The following PITPNM3 variants were observed in gnomAD, a reference collection of about 807,000 sequenced individuals.
PITPNM3 encodes membrane-associated phosphatidylinositol transfer protein 3.
Under a neutral mutation model 102.0 loss-of-function variants are expected in PITPNM3, and 26 were observed. The ratio of observed to expected loss-of-function variants is 0.25; its 90% CI spans 0.19 to 0.35. PITPNM3 has a LOEUF of 0.35. Among genes scored for constraint, PITPNM3 ranks in the 10% least tolerant of loss-of-function variants. The probability of loss-of-function intolerance (pLI) is 1.00; values close to 1 mark genes in which losing one functional copy is unlikely to be tolerated. For synonymous variants in PITPNM3, 578 were observed against 558.6 expected (o/e 1.03, Z -0.49); for missense variants, 1,083 against 1,346.1 (o/e 0.80, Z 3.06).
intron 3 of PITPNM3, among the ~76,000 whole-genome samples, chr17:6,511,442 C>T (rs765530349): frequency 2.0e-4 from 30 of 152,178 alleles, no homozygotes; most frequent in Admixed American, 4.6e-4. Flanking sequence ...AGACCAGAAA[C>T]TGTGTGGCAT....
At chr17:6,475,450 T>C (rs908564310) in intron 9 of PITPNM3, among the ~76,000 whole-genome samples, 7 of 152,150 alleles carry the variant, frequency 4.6e-5, no homozygotes, top group African/African-American at 7.2e-5. Flanking sequence ...ACTAAACTAC[T>C]TGAGTCAGAG....
In PITPNM3 at chr17:6,505,874, G is replaced by A. The variant is rs573130521; in HGVS notation, c.227-2300C>T. On this transcript the variant is annotated intron_variant, in intron 3 of 19. Transcript: ENST00000262483. ...CAATGAGAGGCGAGACCGGCGGGGA[G>A]AGACGGGGAGGGAAAGATTCATTCT... Among the ~76,000 whole-genome samples the A allele has an allele frequency of 5.3e-5, 8 of 152,328 alleles. No individual in the cohort carries two copies. In the South Asian group the frequency reaches 1.7e-3, roughly 32 times the overall value.
Position 6,451,882 on chromosome 17 carries a change from C to CGCT in PITPNM3, c.*3455_*3456insAGC, listed in dbSNP as rs886053277. 7.1e-5 allele frequency: 2 copies of CGCT among 28,314 alleles called. No homozygotes were observed. The highest frequency in any genetic ancestry group is 3.4e-4 in the Admixed American group (1 of 2,926). 1.8% of individuals were successfully genotyped at this position (28,314 alleles called of 1,614,324 possible). ...GGCACTTGGCACCCAAACCCCCCCC[C>CGCT]CCCGCCCGCCGATGGGATTCGGTGG... On this transcript the variant is annotated 3_prime_UTR_variant, in exon 20 of 20. Coordinates refer to ENST00000262483, the MANE Select transcript of PITPNM3 (RefSeq NM_031220.4).
At chr17:6,551,214 G>A (rs1001411193) in intron 1 of PITPNM3, among the ~76,000 whole-genome samples, 9 of 152,116 alleles carry the variant, frequency 5.9e-5, no homozygotes, top group African/African-American at 2.2e-4. Context: ...AAAATTAGCC[G>A]GGCATGGTGG....
At chr17:6,512,817 T>C (rs1907945782) in intron 3 of PITPNM3, among the ~76,000 whole-genome samples, 1 of 152,196 alleles carries the variant, frequency 6.6e-6, no homozygotes, top group Non-Finnish European at 1.5e-5. Context: ...CTGTTTGTTT[T>C]AAGAACAAGA....
intron 10 of PITPNM3, among the ~76,000 whole-genome samples, chr17:6,473,839 T>G (rs1245073371): frequency 6.6e-6 from 1 of 151,686 alleles, no homozygotes; most frequent in Non-Finnish European, 1.5e-5. Flanking sequence ...TAGCTGGGCG[T>G]CATGGTGGGT....
chr17:6,494,145 G>A (rs1906657589), intron 4 of PITPNM3, among the ~76,000 whole-genome samples: 1 of 152,170 alleles, frequency 6.6e-6, no homozygotes, highest in Non-Finnish European at 1.5e-5. Context: ...TCTTAAAGAT[G>A]AGAAAACCAA....
chr17:6,506,220 T>C (rs1305525842), intron 3 of PITPNM3, among the ~76,000 whole-genome samples: 1 of 151,868 alleles, frequency 6.6e-6, no homozygotes, highest in Non-Finnish European at 1.5e-5. Flanking sequence ...AAAAAGGAAA[T>C]GCCGGGTCCC....
chr17:6,496,903 T>C (rs1042947896), intron 4 of PITPNM3, among the ~76,000 whole-genome samples: 2 of 152,046 alleles, frequency 1.3e-5, no homozygotes, highest in African/African-American at 2.4e-5. Flanking sequence ...TGCATTGGCA[T>C]AGAGGCTAAT....
intron 3 of PITPNM3, among the ~76,000 whole-genome samples, chr17:6,506,189 A>T (rs372035486): frequency 6.6e-6 from 1 of 152,130 alleles, no homozygotes; most frequent in African/African-American, 2.4e-5. Flanking sequence ...AACCAGCTGC[A>T]TAATGAGGAA....
At position 6,544,654 on chromosome 17, in the gene PITPNM3, T is replaced by TCTCTCTCTCTCTCA. The variant is rs376230474; in HGVS notation, c.23-6573_23-6572insTGAGAGAGAGAGAG. 3.2e-3 allele frequency among the ~76,000 whole-genome samples: 422 copies of TCTCTCTCTCTCTCA among 130,242 alleles called. 3 individuals are homozygous for TCTCTCTCTCTCTCA. The highest frequency in any genetic ancestry group is 8.2e-3 in the East Asian group (36 of 4,378). 85.4% of individuals were successfully genotyped at this position (130,242 alleles called of 152,430 possible). A position where few individuals can be genotyped will look rare whatever the true frequency, so the allele number is the denominator to read the frequency against. ...CTCTCTCTCTCTCTCTCTCTCTCTC[T>TCTCTCTCTCTCTCA]CACACACACACACACACACACACAA... is the stretch of plus-strand genomic sequence containing the variant. On this transcript the variant is annotated intron_variant, in intron 1 of 19. Transcript: ENST00000262483.
At chr17:6,534,489 CTGCA>C (rs2150659558) in intron 2 of PITPNM3, among the ~76,000 whole-genome samples, 1 of 152,328 alleles carries the variant, frequency 6.6e-6, no homozygotes, top group South Asian at 2.1e-4. Flanking sequence ...GGGCTGATGG[CTGCA>C]AGGGAGGGAG....
Position 6,478,117 on chromosome 17 carries a change from G to C in PITPNM3, c.778-20C>G. On this transcript the variant is annotated intron_variant, in intron 7 of 19. Transcript: ENST00000262483. This position sits in a 1 kb window ranked among gnomAD's most constrained non-coding sequence, Gnocchi z 4.4. Reference sequence around the variant, plus strand: ...ACACACCTGGAAGAGATGCAGCTGGGACTGCAGGCCTGCCCACTGCTGACC... The same window carrying C: ...ACACACCTGGAAGAGATGCAGCTGGCACTGCAGGCCTGCCCACTGCTGACC... The C allele has an allele frequency of 6.2e-7, 1 of 1,612,396 alleles. No individual in the cohort carries two copies. The highest frequency in any genetic ancestry group is 8.5e-7 in the Non-Finnish European group (1 of 1,180,016).
At chr17:6,489,981 CGACA>C (rs1381754086) in intron 4 of PITPNM3, among the ~76,000 whole-genome samples, 3 of 151,262 alleles carry the variant, frequency 2.0e-5, no homozygotes, top group East Asian at 1.9e-4. Context: ...TCCAGCCTGG[CGACA>C]GACAGAGCGA....
At chr17:6,531,439 C>A (rs1909139367) in intron 2 of PITPNM3, among the ~76,000 whole-genome samples, 1 of 152,220 alleles carries the variant, frequency 6.6e-6, no homozygotes, top group Non-Finnish European at 1.5e-5. Flanking sequence ...ACATGTCAAC[C>A]CATCCTCCTT....
chr17:6,464,558 C>G (rs760568554), intron 15 of PITPNM3, 97 bp downstream of exon 15: 8 of 1,305,830 alleles, frequency 6.1e-6, no homozygotes, highest in Admixed American at 1.8e-5. Context: ...CCAGGCAGCT[C>G]GGCCCTCTTG....
At position 6,477,135 on chromosome 17, in the gene PITPNM3, T is replaced by C. The variant is rs760011572; in HGVS notation, c.979A>G (p.Ser327Gly). 1.5e-5 allele frequency: 24 copies of C among 1,613,768 alleles called. No homozygotes were observed. The Admixed American group carries it at 4.0e-4, about 27-fold the overall frequency. Reference protein sequence around the residue: ...RLSKSNIDISSGLEDEEPKRP... With the variant: ...RLSKSNIDISGGLEDEEPKRP... ...TTGGGCTCCTCATCCTCCAACCCAC[T>C]GGAGATGTCAATGTTGCTTTTGCTG... is the stretch of plus-strand genomic sequence containing the variant. Residue 327 changes from serine to glycine, a missense_variant, in exon 9 of 20, where the codon AGT (serine) becomes GGT (glycine). Ser to Gly is a moderately conservative substitution (Grantham distance 56). This residue lies in a region of PITPNM3 where 172 missense variants were observed against 175.6 expected (regional missense o/e 0.98). Coordinates refer to ENST00000262483, the MANE Select transcript of PITPNM3 (RefSeq NM_031220.4).
At chr17:6,481,738 T>TGATAGACAGATA (rs1555553146) in intron 6 of PITPNM3, 4 of 140,002 alleles carry the variant, frequency 2.9e-5, no homozygotes, top group Non-Finnish European at 6.2e-5. Flanking sequence ...ATAGATCAGA[T>TGATAGACAGATA]GATAGATAGA....
intron 3 of PITPNM3, among the ~76,000 whole-genome samples, chr17:6,524,267 C>T (rs1001224187): frequency 2.6e-5 from 4 of 151,832 alleles, no homozygotes. Flanking sequence ...AGCACGACTG[C>T]GAATGACAGG....
Sources: gnomAD v4.1 joint callset for allele counts (sites outside exome capture counted in the v4.1 genomes callset) on GRCh38, gnomAD v4.1.1 for gene constraint, gnomAD v4.1.1 regional missense constraint, Gnocchi (gnomAD v3.1) non-coding constraint, MANE v1.5 for transcripts, NCBI Gene and HGNC (gene_info 2026-07-23, HGNC 2026-07-21) for gene names.